Variants in CTNS observed in about 807,000 individuals in gnomAD.
The protein encoded by CTNS is cystinosin, lysosomal cystine transporter.
A neutral mutation model predicts 43.7 loss-of-function variants in CTNS; 27 were observed. The observed-to-expected ratio is 0.62, with a 90% CI of 0.46 to 0.85. The LOEUF (loss-of-function observed/expected upper bound fraction) is 0.85, where lower values mean the gene tolerates loss of function less well. Among genes scored for constraint, CTNS ranks in the 40% least tolerant of loss-of-function variants. The pLI is 0.00. For synonymous variants in CTNS, 187 were observed against 190.6 expected, an observed-to-expected ratio of 0.98 and a Z score of 0.16; for missense variants, 457 against 475.4, an observed-to-expected ratio of 0.96 and a Z score of 0.36.
intron 3 of CTNS, 32 bp from the exon 4 acceptor site, chr17:3,647,412 G>C: frequency 6.3e-7 from 1 of 1,593,902 alleles, no homozygotes; most frequent in African/African-American, 1.3e-5. Flanking sequence ...CTCTGACCCA[G>C]TGCCTCATGT....
In CTNS at chr17:3,661,217, G is replaced by A. The variant is rs545508356; in HGVS notation, c.*848G>A. The A allele has an allele frequency of 3.0e-4, 61 of 204,866 alleles. No individual in the cohort carries two copies. Among genetic ancestry groups the A allele is most frequent in the Admixed American group, 2.9e-3 (55 of 18,992 alleles). The allele number at this position is 204,866 out of a possible 1,614,324, so 12.7% of individuals were successfully genotyped here. On this transcript the variant is annotated 3_prime_UTR_variant, in exon 12 of 12. Coordinates refer to ENST00000046640, the MANE Select transcript of CTNS (RefSeq NM_004937.3). The stretch of plus-strand genomic sequence containing the variant: ...TAGAGGTCTGTTAGGCCTGCCAAAC[G>A]GCGACCAGCTCCCCTGGAGCGAGGG...
Position 3,662,029 on chromosome 17 carries a change from G to A in CTNS, c.*1660G>A, listed in dbSNP as rs1049264377. ...GAGATTTCAAATGATTGACTTTTCCGGCTGAGTGCGGTGGCTCACGCCTGT... is the reference window on the plus strand; with the variant it reads ...GAGATTTCAAATGATTGACTTTTCCAGCTGAGTGCGGTGGCTCACGCCTGT... On this transcript the variant is annotated 3_prime_UTR_variant, in exon 12 of 12. Coordinates refer to ENST00000046640, the MANE Select transcript of CTNS (RefSeq NM_004937.3). Among the ~76,000 whole-genome samples the A allele has an allele frequency of 5.3e-5, 8 of 152,284 alleles. No homozygotes were observed. The East Asian group carries it at 7.7e-4, about 15-fold the overall frequency.
chr17:3,649,077 G>A (rs1052393480), intron 5 of CTNS, 146 bp downstream of exon 5: 2 of 738,504 alleles, frequency 2.7e-6, no homozygotes, highest in Admixed American at 2.0e-5. Flanking sequence ...GGTGTCTTTT[G>A]GGGATGAGTA....
chr17:3,641,982 C>A (rs1171083020), intron 3 of CTNS, among the ~76,000 whole-genome samples: 2 of 151,450 alleles, frequency 1.3e-5, no homozygotes, highest in African/African-American at 4.9e-5. Context: ...CTTTGTAAGA[C>A]TGAGGCTGGA....
chr17:3,643,447 G>A (rs1450764892), intron 3 of CTNS, among the ~76,000 whole-genome samples: 1 of 152,044 alleles, frequency 6.6e-6, no homozygotes, highest in African/African-American at 2.4e-5. Context: ...TTAAAAACCT[G>A]GCCAAGCATG....
At chr17:3,648,523 C>T (rs1357148786) in intron 4 of CTNS, among the ~76,000 whole-genome samples, 1 of 152,230 alleles carries the variant, frequency 6.6e-6, no homozygotes, top group Non-Finnish European at 1.5e-5. Context: ...AGGCCCCACT[C>T]AGACCCGACT....
intron 2 of CTNS, among the ~76,000 whole-genome samples, chr17:3,637,989 C>G (rs148717033): frequency 6.6e-6 from 1 of 152,164 alleles, no homozygotes; most frequent in Non-Finnish European, 1.5e-5. Flanking sequence ...GAGGACAGGA[C>G]CAACTCATAC....
At chr17:3,642,999 T>C (rs947048916) in intron 3 of CTNS, among the ~76,000 whole-genome samples, 2 of 152,068 alleles carry the variant, frequency 1.3e-5, no homozygotes, top group Non-Finnish European at 2.9e-5. Flanking sequence ...CTCAGTTTCC[T>C]GAAATGTAAA....
chr17:3,654,824 G>A (rs1481005222), intron 5 of CTNS, among the ~76,000 whole-genome samples, 174 bp from the exon 6 acceptor site: 2 of 152,188 alleles, frequency 1.3e-5, no homozygotes, highest in Non-Finnish European at 2.9e-5. Context: ...GCGAACAGGA[G>A]GTTCAAGTTG....
At chr17:3,650,361 A>G (rs2047855) in intron 5 of CTNS, 105,489 of 1,542,988 alleles carry the variant, frequency 0.068, 4,090 homozygotes, top group Middle Eastern at 0.093. Flanking sequence ...GTGCACCTGT[A>G]ATCCCAGCTA....
chr17:3,645,975 TG>T (rs11341853), intron 3 of CTNS, among the ~76,000 whole-genome samples: 67,172 of 145,280 alleles, frequency 0.46, 15,400 homozygotes, highest in Non-Finnish European at 0.5. Flanking sequence ...GAACTGGGCC[TG>T]GGGGGTCTGA....
rs765481486 is a variant in CTNS, at chr17:3,656,477, C to A, written c.462-10C>A. 4.4e-6 allele frequency: 7 copies of A among 1,580,210 alleles called. No homozygotes were observed. The highest frequency in any genetic ancestry group is 1.7e-4 in the Middle Eastern group (1 of 6,054). ...CCCCCTGCCCTGTCTTGTCCCTCCACCCCCTGCAGTGTCATTGGTCTGAGC... is the reference window on the plus strand; with the variant it reads ...CCCCCTGCCCTGTCTTGTCCCTCCAACCCCTGCAGTGTCATTGGTCTGAGC... On this transcript the variant is annotated splice_polypyrimidine_tract_variant and intron_variant, in intron 7 of 11. Coordinates refer to ENST00000046640, the MANE Select transcript of CTNS (RefSeq NM_004937.3).
intron 2 of CTNS, 134 bp from the exon 3 acceptor site, chr17:3,640,054 C>A (rs1414701889): frequency 2.6e-6 from 2 of 755,104 alleles, no homozygotes; most frequent in Non-Finnish European, 4.8e-6. Context: ...GGCCGTGATG[C>A]AAAGCCCTGA....
At chr17:3,644,095 C>G (rs967180211) in intron 3 of CTNS, among the ~76,000 whole-genome samples, 1 of 152,148 alleles carries the variant, frequency 6.6e-6, no homozygotes, top group Non-Finnish European at 1.5e-5. Context: ...CTAACTGCCT[C>G]CCACCTTGGG....
intron 4 of CTNS, among the ~76,000 whole-genome samples, chr17:3,648,077 T>C (rs2075887193): frequency 6.6e-6 from 1 of 152,240 alleles, no homozygotes; most frequent in Admixed American, 6.5e-5. Flanking sequence ...TTAGCTGCTT[T>C]GTCCTTCCCT....
In CTNS at chr17:3,657,989, C is replaced by A; in HGVS notation, c.682-16C>A. The stretch of plus-strand genomic sequence containing the variant: ...CTCTGTGTGGGTCCACATCTCTGCC[C>A]TCCTCTCGCCCCCAGCGCGGTGGCC... On this transcript the variant is annotated splice_polypyrimidine_tract_variant and intron_variant, in intron 9 of 11. Coordinates refer to ENST00000046640, the MANE Select transcript of CTNS (RefSeq NM_004937.3). The A allele has an allele frequency of 6.2e-7, 1 of 1,606,246 alleles. No individual in the cohort carries two copies. The highest frequency in any genetic ancestry group is 8.5e-7 in the Non-Finnish European group (1 of 1,179,828).
chr17:3,636,518 G>A (rs1014574967), upstream of CTNS: 2 of 377,464 alleles, frequency 5.3e-6, no homozygotes, highest in Non-Finnish European at 9.6e-6. Context: ...AAAGGAGCCG[G>A]GAGGCGCTGG....
intron 5 of CTNS, chr17:3,650,301 C>A (rs1224549392): frequency 6.5e-7 from 1 of 1,549,684 alleles, no homozygotes; most frequent in Admixed American, 2.0e-5. Context: ...CAGTCTCCAG[C>A]ATGTGGGAAC....
rs1443414965 is a variant in CTNS at position 3,655,003 on chromosome 17, G to T, written c.231G>T (p.Val77=). Residue 77 remains valine (V), a synonymous_variant, in exon 6 of 12, where the codon GTG becomes GTT. Transcript: ENST00000046640. ...AACCTCAGTCTTCCTAACAGGTTGT[G>T]GTGCCTCCTGGAGTGACAAACTCCT... is the stretch of plus-strand genomic sequence containing the variant. ...ITILELPDEV[V]VPPGVTNSSF... 1 of 1,612,246 alleles carries T rather than the reference G, an allele frequency of 6.2e-7. No individual in the cohort carries two copies. Among genetic ancestry groups the T allele is most frequent in the South Asian group, 1.1e-5 (1 of 91,054 alleles).
Sources: gnomAD v4.1 joint callset for allele counts (sites outside exome capture counted in the v4.1 genomes callset) on GRCh38, gnomAD v4.1.1 for gene constraint, MANE v1.5 for transcripts, NCBI Gene and HGNC (gene_info 2026-07-23, HGNC 2026-07-21) for gene names.